CLIC5: variants seen among roughly 807,000 people sequenced by gnomAD.
CLIC5 encodes the protein CLIC family member 5.
CLIC5 carries 20 observed loss-of-function variants against 24.7 expected under a neutral mutation model. That is an observed-to-expected ratio of 0.81 (90% CI 0.57 to 1.18). The LOEUF is 1.18. CLIC5 is among the 50% of genes most tolerant of loss of function. The pLI is 0.00. For synonymous variants in CLIC5, 159 were observed against 135.6 expected (o/e 1.17, Z -1.20); for missense variants, 341 against 326.1 (o/e 1.05, Z -0.35).
chr6:46,105,475 G>A, the CLIC5 span, among the ~76,000 whole-genome samples: 1 of 152,020 alleles, frequency 6.6e-6, no homozygotes, highest in Non-Finnish European at 1.5e-5. Flanking sequence ...TTAAATATGT[G>A]CTTGGTTCCT....
At chr6:46,104,241 G>A in the CLIC5 span, among the ~76,000 whole-genome samples, 1 of 152,064 alleles carries the variant, frequency 6.6e-6, no homozygotes, top group Non-Finnish European at 1.5e-5. Context: ...ACTGGATAAG[G>A]TTTCCTCTTG....
At chr6:46,013,939 C>G (rs1735095727) in intron 1 of CLIC5, among the ~76,000 whole-genome samples, 2 of 152,266 alleles carry the variant, frequency 1.3e-5, no homozygotes, top group Admixed American at 1.3e-4. Flanking sequence ...TTCAGAACAC[C>G]CCCTTGCTGC....
intron 1 of CLIC5, among the ~76,000 whole-genome samples, chr6:46,000,843 G>C (rs1766329557): frequency 6.6e-6 from 1 of 152,188 alleles, no homozygotes; most frequent in African/African-American, 2.4e-5. Flanking sequence ...TTCAAGGTGA[G>C]ATTTGGGTGG....
chr6:46,034,736 T>TC (rs1767614445), intron 1 of CLIC5, among the ~76,000 whole-genome samples: 1 of 152,226 alleles, frequency 6.6e-6, no homozygotes, highest in Admixed American at 6.5e-5. Flanking sequence ...ACTGGCAACA[T>TC]CCCAGCTCAA....
At chr6:46,027,411 G>A (rs372812422) in intron 1 of CLIC5, among the ~76,000 whole-genome samples, 1 of 152,224 alleles carries the variant, frequency 6.6e-6, no homozygotes, top group Non-Finnish European at 1.5e-5. Context: ...TGAAGTACAA[G>A]CTTGAATTCC....
At chr6:46,091,668 G>T in the CLIC5 span, among the ~76,000 whole-genome samples, 1 of 152,156 alleles carries the variant, frequency 6.6e-6, no homozygotes, top group Non-Finnish European at 1.5e-5. Flanking sequence ...AGCCCAGGAG[G>T]TCGAGGCTGC....
chr6:46,008,317 C>T (rs1398370124), intron 1 of CLIC5, among the ~76,000 whole-genome samples: 3 of 152,192 alleles, frequency 2.0e-5, no homozygotes, highest in Non-Finnish European at 4.4e-5. Flanking sequence ...CTGGACCTGA[C>T]ATGGTTGCTC....
At chr6:46,101,302 T>TG in the CLIC5 span, among the ~76,000 whole-genome samples, 1 of 152,256 alleles carries the variant, frequency 6.6e-6, no homozygotes, top group African/African-American at 2.4e-5. Context: ...GGGAAAGGAA[T>TG]GAGTGTTTCA....
At chr6:46,006,002 A>ATATTTATATGTATATATATATATATATT (rs1330895254) in intron 1 of CLIC5, among the ~76,000 whole-genome samples, 1 of 107,488 alleles carries the variant, frequency 9.3e-6, no homozygotes, top group African/African-American at 3.7e-5. Context: ...ATATATATTT[A>ATATTTATATGTATATATATATATATATT]TATATATATA....
chr6:45,904,654 T>C (rs71221676), intron 5 of CLIC5, among the ~76,000 whole-genome samples: 89 of 1,836 alleles, frequency 0.048, no homozygotes, highest in Non-Finnish European at 0.073. Flanking sequence ...GTCCCTTTCC[T>C]TCCCTCCCTA....
At chr6:46,031,632 G>A (rs1268088787) in intron 1 of CLIC5, among the ~76,000 whole-genome samples, 1 of 151,802 alleles carries the variant, frequency 6.6e-6, no homozygotes, top group Non-Finnish European at 1.5e-5. Context: ...ATGGTCAAGA[G>A]GTCCACTGAT....
At chr6:45,955,282 G>T in intron 1 of CLIC5, 38 bp from the exon 2 acceptor site, 1 of 1,464,134 alleles carries the variant, frequency 6.8e-7, no homozygotes, top group Non-Finnish European at 9.5e-7. Context: ...GTGGGCAGGT[G>T]CAATTAGCAA....
At chr6:45,911,724 G>C (rs183162650) in intron 5 of CLIC5, 1 of 985,224 alleles carries the variant, frequency 1.0e-6, no homozygotes, top group South Asian at 4.7e-5. Flanking sequence ...TATTGATGTT[G>C]GTGTTCCCCT....
chr6:46,102,074 C>T, the CLIC5 span, among the ~76,000 whole-genome samples: 1 of 152,010 alleles, frequency 6.6e-6, no homozygotes, highest in African/African-American at 2.4e-5. Flanking sequence ...GCCCTTGAGC[C>T]CCTGAAGTTT....
chr6:45,929,412 G>A (rs772652050), intron 4 of CLIC5, among the ~76,000 whole-genome samples: 3 of 152,172 alleles, frequency 2.0e-5, no homozygotes, highest in African/African-American at 4.8e-5. Context: ...CCAGACCTCC[G>A]AGGTGGGTCC....
intron 1 of CLIC5, among the ~76,000 whole-genome samples, chr6:46,069,884 A>G (rs924560348): frequency 7.2e-5 from 11 of 152,170 alleles, no homozygotes; most frequent in Admixed American, 7.2e-4. Flanking sequence ...ATGATCAAGT[A>G]AGCTTTATCC....
intron 1 of CLIC5, among the ~76,000 whole-genome samples, chr6:45,958,377 A>G (rs1764715564): frequency 7.0e-6 from 1 of 143,706 alleles, no homozygotes; most frequent in African/African-American, 2.6e-5. Context: ...TATGTATAGC[A>G]ATTTCTTGGA....
intron 1 of CLIC5, 91 bp downstream of exon 1, chr6:46,015,389 G>T: frequency 7.7e-7 from 1 of 1,301,650 alleles, no homozygotes; most frequent in Non-Finnish European, 1.0e-6. Flanking sequence ...GCCCTCCTGG[G>T]AGGGTCCGGA....
intron 1 of CLIC5, among the ~76,000 whole-genome samples, chr6:46,064,541 C>A (rs1227924737): frequency 6.6e-6 from 1 of 152,050 alleles, no homozygotes; most frequent in Non-Finnish European, 1.5e-5. Context: ...AGAAACATAT[C>A]TACAACATTC....
Sources: gnomAD v4.1 joint callset for allele counts (sites outside exome capture counted in the v4.1 genomes callset) on GRCh38, gnomAD v4.1.1 for gene constraint, MANE v1.5 for transcripts, NCBI Gene and HGNC (gene_info 2026-07-23, HGNC 2026-07-21) for gene names.